The following IGF2 variants were observed in gnomAD, a reference collection of about 807,000 sequenced individuals.
IGF2 encodes insulin like growth factor 2, also known as insulin-like growth factor 2.
A neutral mutation model predicts 12.0 loss-of-function variants in IGF2; 2 were observed. The ratio of observed to expected loss-of-function variants is 0.17; its 90% CI spans 0.07 to 0.52. IGF2 has a LOEUF of 0.52. Ranked by LOEUF, IGF2 falls within the 20% of genes least tolerant of loss-of-function variation. The probability of loss-of-function intolerance (pLI) is 0.95; values close to 1 mark genes in which losing one functional copy is unlikely to be tolerated. For synonymous variants in IGF2, 105 were observed against 110.1 expected (o/e 0.95, Z 0.29); for missense variants, 211 against 268.0 (o/e 0.79, Z 1.48).
the IGF2 span, chr11:2,147,859 C>A: frequency 5.0e-6 from 6 of 1,196,922 alleles, no homozygotes; most frequent in Non-Finnish European, 6.3e-6. The surrounding 1 kb of genome is among the most constrained non-coding windows in gnomAD (Gnocchi z 7.2). Context: ...AAAAGCAAAG[C>A]CCCCCTCCCC....
At chr11:2,147,345 G>A in the IGF2 span, 112 of 379,486 alleles carry the variant, frequency 3.0e-4, 1 homozygote, top group Admixed American at 3.1e-3. The surrounding 1 kb of genome is among the most constrained non-coding windows in gnomAD (Gnocchi z 7.2). Flanking sequence ...CCTCGGTGCC[G>A]TGGAGACTGC....
rs776260679 is a variant in IGF2, at chr11:2,138,388, T to TGGG, written c.-169_-167dup. 2.3e-5 allele frequency: 3 copies of TGGG among 129,452 alleles called. No homozygotes were observed. The highest frequency in any genetic ancestry group is 1.5e-4 in the Admixed American group (1 of 6,458). 8.0% of individuals were successfully genotyped at this position (129,452 alleles called of 1,614,324 possible). A position where few individuals can be genotyped will look rare whatever the true frequency, so the allele number is the denominator to read the frequency against. ...GCAGAGCGGGGGGATGGCTTTTTTT[T>TGGG]GGGGGGGGGGGGAGAATTCGTCTGA... On this transcript the variant is annotated 5_prime_UTR_variant, in exon 1 of 4. Coordinates refer to ENST00000416167, the MANE Select transcript of IGF2 (RefSeq NM_000612.6).
rs1411665878 is a variant in IGF2 at position 2,139,256 on chromosome 11, C to G, written c.-1034G>C. On this transcript the variant is annotated 5_prime_UTR_variant, in exon 1 of 4. Coordinates refer to ENST00000416167, the MANE Select transcript of IGF2 (RefSeq NM_000612.6). ...TCAGCAGCGAGGCAGCGGGCGGCGT[C>G]GACGCGGGGCCGCCTTGCCCGATGG... 4.0e-5 allele frequency: 6 copies of G among 148,442 alleles called. No homozygotes were observed. The South Asian group carries it at 1.3e-3, about 31-fold the overall frequency. The allele number at this position is 148,442 out of a possible 1,614,324, so 9.2% of individuals were successfully genotyped here.
In IGF2 at chr11:2,135,231, C is replaced by A. The variant is rs535291940; in HGVS notation, c.157+136G>T. On this transcript the variant is annotated intron_variant, in intron 2 of 3. Coordinates refer to ENST00000416167, the MANE Select transcript of IGF2 (RefSeq NM_000612.6). ...ACACCGCACGTGCTCAGAAACGCGG[C>A]GGGAAGGTCAAAGTCTCAGAGCAAG... 6.6e-6 allele frequency: 5 copies of A among 759,478 alleles called. No individual in the cohort carries two copies. In the African/African-American group the frequency reaches 7.2e-5, roughly 11 times the overall value. The allele number at this position is 759,478 out of a possible 1,614,324, so 47.0% of individuals were successfully genotyped here. A position where few individuals can be genotyped will look rare whatever the true frequency, so the allele number is the denominator to read the frequency against.
chr11:2,138,695 C>T lies in IGF2; in HGVS notation c.-473G>A. 7.1e-6 allele frequency: 4 copies of T among 564,974 alleles called. No individual in the cohort carries two copies. The highest frequency in any genetic ancestry group is 8.2e-6 in the Non-Finnish European group (4 of 486,876). 35.0% of individuals were successfully genotyped at this position (564,974 alleles called of 1,614,324 possible). On this transcript the variant is annotated 5_prime_UTR_variant, in exon 1 of 4. Coordinates refer to ENST00000416167, the MANE Select transcript of IGF2 (RefSeq NM_000612.6). The stretch of plus-strand genomic sequence containing the variant: ...CTTTGGTTCGGCGAAGGCGAGAGGG[C>T]GGGCGTGAGGGGGGGAGGGAGTCGG...
At chr11:2,143,383 A>G (rs1480077713), upstream of IGF2, among the ~76,000 whole-genome samples, 1 of 151,902 alleles carries the variant, frequency 6.6e-6, no homozygotes, top group Non-Finnish European at 1.5e-5. Flanking sequence ...AATGGGGCGG[A>G]CGTGTGCCGG....
Position 2,133,376 on chromosome 11 carries a change from G to A in IGF2, c.306+141C>T, listed in dbSNP as rs1181879194. On this transcript the variant is annotated intron_variant, in intron 3 of 3. Transcript: ENST00000416167. The surrounding 1 kb of genome is among the most constrained non-coding windows in gnomAD (Gnocchi z 8.9). ...GACAGAAGGAGCCAGCGTCTGAGCT[G>A]CTCCCGGGCCACACAGCAAGCAAGG... is the stretch of plus-strand genomic sequence containing the variant. 4 of 1,069,110 alleles carry A rather than the reference G, an allele frequency of 3.7e-6. No individual in the cohort carries two copies. Among genetic ancestry groups the A allele is most frequent in the Non-Finnish European group, 5.3e-6 (4 of 751,062 alleles). The allele number at this position is 1,069,110 out of a possible 1,614,324, so 66.2% of individuals were successfully genotyped here.
rs1412749368 is a variant in IGF2 at position 2,132,332 on chromosome 11, A to G, written c.*655T>C. On this transcript the variant is annotated 3_prime_UTR_variant, in exon 4 of 4. Coordinates refer to ENST00000416167, the MANE Select transcript of IGF2 (RefSeq NM_000612.6). ...GGGTTGTTGCTATTTTCGGATGGCC[A>G]GTTTACCCTGAAAATTCCCGTGAGA... The G allele has an allele frequency of 5.2e-6, 1 of 191,502 alleles. No homozygotes were observed. The highest frequency in any genetic ancestry group is 1.1e-5 in the Non-Finnish European group (1 of 91,484). The allele number at this position is 191,502 out of a possible 1,614,324, so 11.9% of individuals were successfully genotyped here.
In IGF2 at chr11:2,138,670, C is replaced by T; in HGVS notation, c.-448G>A. The stretch of plus-strand genomic sequence containing the variant: ...AAACAGAAAGCGTGTAATTAATCCA[C>T]TTTGGTTCGGCGAAGGCGAGAGGGC... On this transcript the variant is annotated 5_prime_UTR_variant, in exon 1 of 4. It adds an upstream start codon to the 5' untranslated region. Coordinates refer to ENST00000416167, the MANE Select transcript of IGF2 (RefSeq NM_000612.6). 1.0e-6 allele frequency: 1 copy of T among 964,434 alleles called. No homozygotes were observed. Among genetic ancestry groups the T allele is most frequent in the South Asian group, 4.9e-5 (1 of 20,516 alleles). The allele number at this position is 964,434 out of a possible 1,614,324, so 59.7% of individuals were successfully genotyped here.
At chr11:2,149,440 A>G in the IGF2 span, 275 of 1,031,854 alleles carry the variant, frequency 2.7e-4, 1 homozygote, top group African/African-American at 4.0e-3. Context: ...ACCTGCTCAA[A>G]TGCCAACTGA....
upstream of IGF2, among the ~76,000 whole-genome samples, chr11:2,145,418 C>T (rs565395350): frequency 1.3e-3 from 196 of 152,376 alleles, no homozygotes; most frequent in Non-Finnish European, 2.3e-3. Flanking sequence ...AGGCTCCCCC[C>T]ACCTTCTCCT....
intron 2 of IGF2, 57 bp downstream of exon 2, chr11:2,135,310 T>C: frequency 6.8e-7 from 1 of 1,464,204 alleles, no homozygotes; most frequent in Non-Finnish European, 9.2e-7. Flanking sequence ...TTGGGCGTCC[T>C]CACCGGTCAC....
In IGF2 at chr11:2,139,070, G is replaced by T. The variant is rs890811113; in HGVS notation, c.-848C>A. 6.6e-5 allele frequency: 18 copies of T among 273,082 alleles called. No homozygotes were observed. The South Asian group carries it at 9.6e-4, about 15-fold the overall frequency. 16.9% of individuals were successfully genotyped at this position (273,082 alleles called of 1,614,324 possible). Reference sequence around the variant, plus strand: ...AGGGCTGGAGGGGGAGCGCGGGGGGGGGTGACAACGCCGGCGGCCTGCGAG... The same window carrying T: ...AGGGCTGGAGGGGGAGCGCGGGGGGTGGTGACAACGCCGGCGGCCTGCGAG... On this transcript the variant is annotated 5_prime_UTR_variant, in exon 1 of 4. Transcript: ENST00000416167.
chr11:2,142,107 G>A (rs1859634370), upstream of IGF2, among the ~76,000 whole-genome samples: 1 of 151,934 alleles, frequency 6.6e-6, no homozygotes, highest in African/African-American at 2.4e-5. This position sits in a 1 kb window ranked among gnomAD's most constrained non-coding sequence, Gnocchi z 5.7. Context: ...TGGGACCCAG[G>A]GACATTTTTT....
chr11:2,146,694 G>T, the IGF2 span: 3 of 283,834 alleles, frequency 1.1e-5, no homozygotes, highest in East Asian at 2.9e-4. Flanking sequence ...CTTCTATCTG[G>T]GATGGGCAAA....
Position 2,130,380 on chromosome 11 carries a change from C to G in IGF2, c.*2607G>C, listed in dbSNP as rs539200153. On this transcript the variant is annotated 3_prime_UTR_variant, in exon 4 of 4. Transcript: ENST00000416167. Reference sequence around the variant, plus strand: ...AGGGGGCTCAGTGGCCAGTGCCCCCCAGGAGGCTCCACCCTCAACTCAACC... The same window carrying G: ...AGGGGGCTCAGTGGCCAGTGCCCCCGAGGAGGCTCCACCCTCAACTCAACC... 8.7e-6 allele frequency: 2 copies of G among 229,032 alleles called. No individual in the cohort carries two copies. The highest frequency in any genetic ancestry group is 4.4e-5 in the African/African-American group (2 of 45,076). The allele number at this position is 229,032 out of a possible 1,614,324, so 14.2% of individuals were successfully genotyped here.
rs1379063241 is a variant in IGF2, at chr11:2,133,643, G to A, written c.180C>T (p.Ser60=). ...FYFSRPASRV[S]RRSRGIVEEC... ...CCTCAACGATGCCACGGCTGCGACG[G>A]CTCACACGGCTTGCGGGCCTGCCTG... The change falls in exon 3 of 4, where the codon AGC becomes AGT. Residue 60 remains serine, a synonymous_variant. Coordinates refer to ENST00000416167, the MANE Select transcript of IGF2 (RefSeq NM_000612.6). This position sits in a 1 kb window ranked among gnomAD's most constrained non-coding sequence, Gnocchi z 8.9. The A allele has an allele frequency of 6.2e-7, 1 of 1,612,996 alleles. No individual in the cohort carries two copies. The highest frequency in any genetic ancestry group is 1.7e-5 in the Admixed American group (1 of 60,010).
the IGF2 span, chr11:2,146,645 G>A: frequency 4.1e-4 from 131 of 322,476 alleles, no homozygotes; most frequent in South Asian, 3.1e-3. Flanking sequence ...ATTTTATTGA[G>A]TGTCTAAGGT....
chr11:2,148,687 T>A, the IGF2 span: 7 of 184,926 alleles, frequency 3.8e-5, no homozygotes, highest in East Asian at 8.8e-4. The surrounding 1 kb of genome is among the most constrained non-coding windows in gnomAD (Gnocchi z 4.3). Flanking sequence ...CTGGCTCCTC[T>A]GCAAAGTCTC....
Sources: allele counts gnomAD v4.1 joint callset (sites outside exome capture counted in the v4.1 genomes callset), GRCh38; gene constraint gnomAD v4.1.1; non-coding constraint Gnocchi (gnomAD v3.1); transcripts MANE v1.5; gene names NCBI Gene and HGNC (gene_info 2026-07-23, HGNC 2026-07-21).